Variants in NALCN observed in about 807,000 individuals in gnomAD.
The protein encoded by NALCN is sodium leak channel NALCN.
A neutral mutation model predicts 225.3 loss-of-function variants in NALCN; 111 were observed. The observed-to-expected ratio is 0.49, with a 90% CI of 0.42 to 0.58. NALCN has a LOEUF of 0.58. Among genes scored for constraint, NALCN ranks in the 20% least tolerant of loss-of-function variants. NALCN has a pLI of 0.00. For synonymous variants in NALCN, 764 were observed against 769.0 expected (o/e 0.99, Z 0.11); for missense variants, 1,378 against 2,202.4 (o/e 0.63, Z 7.49).
intron 34 of NALCN, among the ~76,000 whole-genome samples, chr13:101,079,689 T>C (rs2033497361): frequency 6.6e-6 from 1 of 152,250 alleles, no homozygotes; most frequent in African/African-American, 2.4e-5. Context: ...CAACTATATT[T>C]GTTTTGCTTA....
At chr13:101,351,824 G>C (rs2045915749) in intron 6 of NALCN, among the ~76,000 whole-genome samples, 1 of 152,076 alleles carries the variant, frequency 6.6e-6, no homozygotes, top group African/African-American at 2.4e-5. Flanking sequence ...CTCACCACAA[G>C]ACTCACCAAC....
intron 13 of NALCN, among the ~76,000 whole-genome samples, chr13:101,219,614 A>G (rs1474713465): frequency 6.6e-6 from 1 of 152,168 alleles, no homozygotes. Flanking sequence ...TGTGCCCCAA[A>G]ATGTTAATAC....
chr13:101,094,578 C>T (rs1439617951), intron 28 of NALCN, among the ~76,000 whole-genome samples: 4 of 151,980 alleles, frequency 2.6e-5, no homozygotes. Context: ...CTTTTCTAGT[C>T]AGCAGTGGGG....
At chr13:101,283,054 G>A (rs1226928475) in intron 10 of NALCN, among the ~76,000 whole-genome samples, 4 of 152,160 alleles carry the variant, frequency 2.6e-5, no homozygotes, top group African/African-American at 7.2e-5. Flanking sequence ...CACCCCTTGC[G>A]AGAAGAGGAT....
At chr13:101,363,062 A>C (rs915123542) in intron 6 of NALCN, among the ~76,000 whole-genome samples, 1 of 152,118 alleles carries the variant, frequency 6.6e-6, no homozygotes, top group Admixed American at 6.6e-5. Context: ...AATGAAAACT[A>C]TAACACTCTG....
chr13:101,386,299 T>C (rs1356087180), intron 3 of NALCN, among the ~76,000 whole-genome samples: 2 of 152,222 alleles, frequency 1.3e-5, no homozygotes, highest in African/African-American at 2.4e-5. Flanking sequence ...AAATATGCTA[T>C]CCACCATGTT....
chr13:101,152,849 G>T (rs2037718837), intron 15 of NALCN, among the ~76,000 whole-genome samples: 1 of 151,918 alleles, frequency 6.6e-6, no homozygotes, highest in South Asian at 2.1e-4. Flanking sequence ...AATATGCTCA[G>T]TGTGATAAAA....
chr13:101,204,526 G>A (rs2040242158), intron 13 of NALCN, among the ~76,000 whole-genome samples: 1 of 152,048 alleles, frequency 6.6e-6, no homozygotes, highest in African/African-American at 2.4e-5. Context: ...GTCAAAATGA[G>A]CTTGAACATA....
intron 14 of NALCN, among the ~76,000 whole-genome samples, chr13:101,180,204 C>CT (rs71200724): frequency 0.028 from 3,025 of 109,910 alleles, 116 homozygotes; most frequent in African/African-American, 0.044. Context: ...TCCACCTGGT[C>CT]TTTTTTTTTT....
chr13:101,189,634 T>C (rs2584531), intron 14 of NALCN, among the ~76,000 whole-genome samples: 54,886 of 151,784 alleles, frequency 0.36, 10,459 homozygotes, highest in African/African-American at 0.43. Flanking sequence ...GATTTTTGCC[T>C]TCCAATTTCA....
chr13:101,217,626 G>A (rs1402075933), intron 13 of NALCN, among the ~76,000 whole-genome samples: 1 of 152,112 alleles, frequency 6.6e-6, no homozygotes, highest in Admixed American at 6.6e-5. Context: ...ACAGTGTTAA[G>A]TGCTCTTGGA....
At chr13:101,060,829 C>T (rs897509380) in intron 41 of NALCN, among the ~76,000 whole-genome samples, 5 of 152,186 alleles carry the variant, frequency 3.3e-5, no homozygotes, top group African/African-American at 1.2e-4. Flanking sequence ...CTTGTGCCCT[C>T]TCAGAGCCAG....
At chr13:101,170,845 G>C (rs1010909601) in intron 15 of NALCN, among the ~76,000 whole-genome samples, 4 of 152,030 alleles carry the variant, frequency 2.6e-5, no homozygotes, top group Admixed American at 1.3e-4. Context: ...CTCCCCTCAG[G>C]CTTTTCTGTG....
intron 18 of NALCN, among the ~76,000 whole-genome samples, chr13:101,124,094 T>G (rs1187032962): frequency 1.3e-5 from 2 of 152,246 alleles, no homozygotes; most frequent in Admixed American, 1.3e-4. Flanking sequence ...TCAAGTCGGT[T>G]GCTTAGTTTT....
chr13:101,248,807 T>A (rs1008568452), intron 11 of NALCN, among the ~76,000 whole-genome samples: 1 of 152,180 alleles, frequency 6.6e-6, no homozygotes, highest in Non-Finnish European at 1.5e-5. Context: ...AAAAATGTAA[T>A]CAGAAGTATA....
intron 13 of NALCN, 105 bp downstream of exon 13, chr13:101,229,288 T>TTC (rs2041258710): frequency 1.8e-6 from 2 of 1,081,448 alleles, no homozygotes; most frequent in Admixed American, 5.6e-5. Flanking sequence ...TTATCAAAAA[T>TTC]AGGATAATAC....
chr13:101,358,933 CG>C (rs201683516), intron 6 of NALCN, among the ~76,000 whole-genome samples: 4,896 of 152,120 alleles, frequency 0.032, 267 homozygotes, highest in African/African-American at 0.11. Context: ...CTTCAGCAAA[CG>C]TAACACAGGA....
chr13:101,134,282 T>A (rs1023040682), intron 17 of NALCN, among the ~76,000 whole-genome samples: 1 of 152,342 alleles, frequency 6.6e-6, no homozygotes, highest in East Asian at 1.9e-4. Flanking sequence ...CATATAAACA[T>A]GCATGTGCAC....
intron 22 of NALCN, among the ~76,000 whole-genome samples, chr13:101,106,482 C>T (rs1221408875): frequency 6.6e-6 from 1 of 152,202 alleles, no homozygotes; most frequent in Non-Finnish European, 1.5e-5. Flanking sequence ...TCCTCCATGA[C>T]TCTTAATGTC....
Sources: gnomAD v4.1 joint callset for allele counts (sites outside exome capture counted in the v4.1 genomes callset) on GRCh38, gnomAD v4.1.1 for gene constraint, MANE v1.5 for transcripts, NCBI Gene and HGNC (gene_info 2026-07-23, HGNC 2026-07-21) for gene names.